UBE2G2: variants seen among roughly 807,000 people sequenced by gnomAD.
UBE2G2 encodes ubiquitin conjugating enzyme E2 G2.
A neutral mutation model predicts 23.0 loss-of-function variants in UBE2G2; 10 were observed. The ratio of observed to expected loss-of-function variants is 0.43; its 90% CI spans 0.27 to 0.74. The LOEUF (loss-of-function observed/expected upper bound fraction) is 0.74. Ranked by LOEUF, UBE2G2 falls within the 30% of genes least tolerant of loss-of-function variation. The probability of loss-of-function intolerance (pLI) is 0.19; values close to 1 mark genes in which losing one functional copy is unlikely to be tolerated. For missense variants in UBE2G2, 150 were observed against 218.3 expected (o/e 0.69, Z 1.97); for synonymous variants, 86 against 81.3 (o/e 1.06, Z -0.31).
chr21:44,777,208 G>T, intron 4 of UBE2G2, 91 bp downstream of exon 4: 1 of 1,059,892 alleles, frequency 9.4e-7, no homozygotes, highest in Non-Finnish European at 1.4e-6. Flanking sequence ...CTACATCATA[G>T]ACATATAGAA....
intron 3 of UBE2G2, among the ~76,000 whole-genome samples, chr21:44,784,164 AGGGAG>A (rs1176884871): frequency 2.1e-4 from 29 of 137,994 alleles, no homozygotes; most frequent in African/African-American, 7.4e-4. Context: ...TCCATAAGAA[AGGGAG>A]GGGAGGGGAG....
intron 4 of UBE2G2, among the ~76,000 whole-genome samples, chr21:44,776,130 G>A (rs1226321204): frequency 6.6e-6 from 1 of 152,066 alleles, no homozygotes; most frequent in East Asian, 1.9e-4. Context: ...GGGTGGGGGG[G>A]TAGTCCTGAA....
At chr21:44,781,454 C>A (rs942299265) in intron 3 of UBE2G2, among the ~76,000 whole-genome samples, 1 of 152,244 alleles carries the variant, frequency 6.6e-6, no homozygotes, top group Non-Finnish European at 1.5e-5. Flanking sequence ...GTGGGCTGCA[C>A]ACACAGCCCC....
In UBE2G2 at chr21:44,777,814, TAAAC is replaced by T. The variant is rs2082924636; in HGVS notation, c.126-401_126-398del. Among the ~76,000 whole-genome samples, 3 of 152,078 alleles carry T rather than the reference TAAAC, an allele frequency of 2.0e-5. No homozygotes were observed. The South Asian group carries it at 6.2e-4, about 32-fold the overall frequency. On this transcript the variant is annotated intron_variant, in intron 3 of 5. Transcript: ENST00000345496. ...CAGAGCGTGACTCCGTCTCAAAAAATAAACAAAAATAAAAATAAATAATAAAAAT... is the reference window on the plus strand; with the variant it reads ...CAGAGCGTGACTCCGTCTCAAAAAATAAAAATAAAAATAAATAATAAAAAT...
intron 3 of UBE2G2, 50 bp downstream of exon 3, chr21:44,787,870 T>G (rs376613146): frequency 6.3e-7 from 1 of 1,598,776 alleles, no homozygotes; most frequent in African/African-American, 1.3e-5. Flanking sequence ...GATTCTTACA[T>G]CTGACTTCCA....
At chr21:44,788,143 A>AT in intron 1 of UBE2G2, 48 bp from the exon 2 acceptor site, 1 of 1,527,322 alleles carries the variant, frequency 6.5e-7, no homozygotes, top group Non-Finnish European at 8.9e-7. Flanking sequence ...TAAATGTTAC[A>AT]TTGTCATTTT....
At chr21:44,783,707 G>A (rs8132011) in intron 3 of UBE2G2, among the ~76,000 whole-genome samples, 34,405 of 152,168 alleles carry the variant, frequency 0.23, 4,665 homozygotes, top group East Asian at 0.54. Flanking sequence ...CCTGGGGGTT[G>A]GAATGGGAAC....
intron 3 of UBE2G2, among the ~76,000 whole-genome samples, chr21:44,781,329 G>T (rs1419045501): frequency 1.3e-5 from 2 of 152,164 alleles, no homozygotes; most frequent in African/African-American, 4.8e-5. Flanking sequence ...GGGCATGAGG[G>T]CTCCCGGCAT....
chr21:44,791,804 C>T (rs146205587), intron 1 of UBE2G2, among the ~76,000 whole-genome samples: 1 of 152,218 alleles, frequency 6.6e-6, no homozygotes, highest in African/African-American at 2.4e-5. Flanking sequence ...TTGCACTGTG[C>T]ACCTAGAAAA....
At chr21:44,799,078 C>A (rs781877212) in intron 1 of UBE2G2, among the ~76,000 whole-genome samples, 1 of 152,114 alleles carries the variant, frequency 6.6e-6, no homozygotes, top group Non-Finnish European at 1.5e-5. Context: ...TGAAGATAAT[C>A]TTTTTTTCTG....
chr21:44,799,269 C>T (rs428428), intron 1 of UBE2G2, among the ~76,000 whole-genome samples: 19,876 of 152,130 alleles, frequency 0.13, 1,487 homozygotes, highest in Middle Eastern at 0.22. Flanking sequence ...TTAAAGTGAC[C>T]GACATTAGCC....
chr21:44,785,212 C>T (rs1216969362), intron 3 of UBE2G2, among the ~76,000 whole-genome samples: 1 of 152,202 alleles, frequency 6.6e-6, no homozygotes, highest in Non-Finnish European at 1.5e-5. Flanking sequence ...CCCACAGCCA[C>T]GGTGGCCACA....
intron 3 of UBE2G2, 74 bp downstream of exon 3, chr21:44,787,846 C>A: frequency 6.5e-7 from 1 of 1,540,748 alleles, no homozygotes; most frequent in South Asian, 1.2e-5. Flanking sequence ...TGGACACAGT[C>A]ACACTGCTGA....
At position 44,783,409 on chromosome 21, in the gene UBE2G2, C is replaced by T. The variant is rs2082971289; in HGVS notation, c.125+4511G>A. Among the ~76,000 whole-genome samples, 3 of 152,230 alleles carry T rather than the reference C, an allele frequency of 2.0e-5. No individual in the cohort carries two copies. In the South Asian group the frequency reaches 6.2e-4, roughly 32 times the overall value. On this transcript the variant is annotated intron_variant, in intron 3 of 5. Transcript: ENST00000345496. ...TCCACACCCCAGCAATTCCACACCT[C>T]TATATCTGGTCTAGAGAAATGAACT...
intron 1 of UBE2G2, chr21:44,801,271 G>A (rs2083134802): frequency 1.0e-6 from 1 of 1,002,688 alleles, no homozygotes; most frequent in African/African-American, 1.7e-5. Context: ...TAGAGGGAAA[G>A]CCAAAATCTG....
At chr21:44,780,318 G>GCAACT (rs1463592253) in intron 3 of UBE2G2, among the ~76,000 whole-genome samples, 2 of 152,222 alleles carry the variant, frequency 1.3e-5, no homozygotes, top group Non-Finnish European at 2.9e-5. Context: ...TGCCTTCCAG[G>GCAACT]CAACTCCCGA....
At chr21:44,797,512 C>T (rs949556340) in intron 1 of UBE2G2, among the ~76,000 whole-genome samples, 3 of 151,846 alleles carry the variant, frequency 2.0e-5, no homozygotes, top group Non-Finnish European at 2.9e-5. Context: ...GTCAGGAGAT[C>T]GAGACCATCC....
intron 1 of UBE2G2, among the ~76,000 whole-genome samples, chr21:44,793,614 CA>C (rs67927737): frequency 0.21 from 31,961 of 151,996 alleles, 4,594 homozygotes; most frequent in East Asian, 0.57. Flanking sequence ...CACGCGTACA[CA>C]AAATAATATA....
intron 3 of UBE2G2, chr21:44,785,880 A>C (rs2082992937): frequency 6.6e-6 from 1 of 152,268 alleles, no homozygotes; most frequent in African/African-American, 2.4e-5. Context: ...CAAACACAGA[A>C]GTGCTCTACC....
Sources: gnomAD v4.1 joint callset for allele counts (sites outside exome capture counted in the v4.1 genomes callset) on GRCh38, gnomAD v4.1.1 for gene constraint, MANE v1.5 for transcripts, NCBI Gene and HGNC (gene_info 2026-07-23, HGNC 2026-07-21) for gene names.